CAMTA1: variants seen among roughly 807,000 people sequenced by gnomAD.
CAMTA1 encodes calmodulin-binding transcription activator 1.
In CAMTA1, 27 loss-of-function variants were observed where a neutral mutation model predicts 170.9. The ratio of observed to expected loss-of-function variants is 0.16; its 90% CI spans 0.12 to 0.22. The LOEUF (loss-of-function observed/expected upper bound fraction) is 0.22, where lower values mean the gene tolerates loss of function less well. Among genes scored for constraint, CAMTA1 ranks in the 10% least tolerant of loss-of-function variants. The probability of loss-of-function intolerance (pLI) is 1.00; values close to 1 mark genes in which losing one functional copy is unlikely to be tolerated. For synonymous variants in CAMTA1, 833 were observed against 891.5 expected (o/e 0.93, Z 1.17); for missense variants, 1,619 against 2,217.2 (o/e 0.73, Z 5.42).
chr1:7,244,790 C>G (rs938973241), intron 4 of CAMTA1, among the ~76,000 whole-genome samples: 91 of 151,868 alleles, frequency 6.0e-4, no homozygotes, highest in Non-Finnish European at 1.6e-4. Flanking sequence ...ATACCTAATG[C>G]TAAACGACGA....
chr1:7,704,790 G>A (rs2096489312), intron 11 of CAMTA1, among the ~76,000 whole-genome samples: 1 of 147,542 alleles, frequency 6.8e-6, no homozygotes, highest in African/African-American at 2.5e-5. Context: ...AGCGGGCGCG[G>A]GGCCGGGCTG....
intron 4 of CAMTA1, among the ~76,000 whole-genome samples, chr1:7,162,850 G>T (rs548908118): frequency 6.6e-6 from 1 of 152,294 alleles, no homozygotes; most frequent in Admixed American, 6.5e-5. Context: ...GAGCCATGTG[G>T]TGACTCCGTG....
rs1236489291 is a variant in CAMTA1, at chr1:7,463,659, G to C, written c.439-4171G>C. 6.6e-6 allele frequency among the ~76,000 whole-genome samples: 1 copy of C among 152,176 alleles called. No homozygotes were observed. The highest frequency in any genetic ancestry group is 1.5e-5 in the Non-Finnish European group (1 of 68,024). On this transcript the variant is annotated intron_variant, in intron 5 of 22. Transcript: ENST00000303635. The surrounding 1 kb of genome is among the most constrained non-coding windows in gnomAD (Gnocchi z 4.7). Reference sequence around the variant, plus strand: ...GAGAGAGAGACAGATACAGAGATAGGAAGAGAGAAACAGATGGTGGGAGTA... The same window carrying C: ...GAGAGAGAGACAGATACAGAGATAGCAAGAGAGAAACAGATGGTGGGAGTA...
intron 3 of CAMTA1, among the ~76,000 whole-genome samples, chr1:6,997,480 T>C (rs1220756028): frequency 6.6e-6 from 1 of 152,138 alleles, no homozygotes; most frequent in African/African-American, 2.4e-5. Flanking sequence ...TTACCTGTCC[T>C]TTGGCTCTTC....
intron 1 of CAMTA1, chr1:6,806,957 A>G (rs1644583346): frequency 4.0e-6 from 2 of 505,698 alleles, no homozygotes; most frequent in Non-Finnish European, 7.3e-6. Flanking sequence ...TTACTCAACA[A>G]ATAACAAAGT....
At chr1:7,651,860 C>G (rs1038261201) in intron 7 of CAMTA1, among the ~76,000 whole-genome samples, 2 of 152,268 alleles carry the variant, frequency 1.3e-5, no homozygotes, top group African/African-American at 2.4e-5. Context: ...GTGCTGCCAC[C>G]CGGTCTCCCA....
intron 11 of CAMTA1, chr1:7,694,963 C>A (rs2096359208): frequency 6.6e-6 from 1 of 152,150 alleles, no homozygotes; most frequent in South Asian, 2.1e-4. Flanking sequence ...CAGCATTCAG[C>A]CATTTTCCAA....
chr1:7,480,141 G>A (rs553403658), intron 6 of CAMTA1, among the ~76,000 whole-genome samples: 11 of 150,268 alleles, frequency 7.3e-5, no homozygotes, highest in East Asian at 2.0e-4. Flanking sequence ...GTGTGTGAGC[G>A]CCTGTGTCCG....
At chr1:7,526,770 C>T (rs1234211728) in intron 6 of CAMTA1, among the ~76,000 whole-genome samples, 4 of 152,220 alleles carry the variant, frequency 2.6e-5, no homozygotes, top group Non-Finnish European at 5.9e-5. Flanking sequence ...CAGGCCAGGG[C>T]CTGCCCAGAT....
At chr1:7,066,689 C>G (rs1572811418) in intron 3 of CAMTA1, among the ~76,000 whole-genome samples, 2 of 152,326 alleles carry the variant, frequency 1.3e-5, no homozygotes, top group East Asian at 3.9e-4. Context: ...TAAACAGTTG[C>G]ATTCTTTCAG....
At chr1:7,423,256 A>G (rs1450966081) in intron 5 of CAMTA1, among the ~76,000 whole-genome samples, 2 of 152,284 alleles carry the variant, frequency 1.3e-5, no homozygotes, top group African/African-American at 2.4e-5. Flanking sequence ...GGATCACCAG[A>G]GGTCAGGAGC....
chr1:7,109,009 C>G (rs1212946426), intron 4 of CAMTA1, among the ~76,000 whole-genome samples: 1 of 152,238 alleles, frequency 6.6e-6, no homozygotes, highest in Non-Finnish European at 1.5e-5. Context: ...GAGGGCTGAA[C>G]TCCTTTCTAG....
At chr1:7,676,943 C>T (rs1438676795) in intron 10 of CAMTA1, among the ~76,000 whole-genome samples, 1 of 152,178 alleles carries the variant, frequency 6.6e-6, no homozygotes. Context: ...GTTGGGGCCA[C>T]AGCAGTTAAC....
intron 4 of CAMTA1, among the ~76,000 whole-genome samples, chr1:7,245,363 G>A (rs932086436): frequency 2.0e-5 from 3 of 151,080 alleles, no homozygotes; most frequent in Admixed American, 2.0e-4. Flanking sequence ...TTTACTCTGT[G>A]TAATCTACGC....
At chr1:7,027,047 G>A (rs1246629282) in intron 3 of CAMTA1, among the ~76,000 whole-genome samples, 1 of 152,092 alleles carries the variant, frequency 6.6e-6, no homozygotes, top group African/African-American at 2.4e-5. Flanking sequence ...TCAGGCCTGG[G>A]CTGGACTCCT....
chr1:7,448,650 G>C (rs889469309), intron 5 of CAMTA1, among the ~76,000 whole-genome samples: 1 of 152,236 alleles, frequency 6.6e-6, no homozygotes, highest in Non-Finnish European at 1.5e-5. Flanking sequence ...TATCTGGTGA[G>C]GGCCTTCTTC....
At position 7,530,175 on chromosome 1, in the gene CAMTA1, G is replaced by A. The variant is rs143488384; in HGVS notation, c.510+62274G>A. 4.7e-4 allele frequency among the ~76,000 whole-genome samples: 72 copies of A among 152,330 alleles called. 2 individuals are homozygous for A. The South Asian group carries it at 5.8e-3, about 12-fold the overall frequency. ...GCTGCCACCCACACAGAAAGATGCA[G>A]ATGTGTGTGGGCACAGCCCGTGCAC... On this transcript the variant is annotated intron_variant, in intron 6 of 22. Coordinates refer to ENST00000303635, the MANE Select transcript of CAMTA1 (RefSeq NM_015215.4).
At chr1:6,855,327 T>C (rs899861081) in intron 3 of CAMTA1, among the ~76,000 whole-genome samples, 1 of 151,718 alleles carries the variant, frequency 6.6e-6, no homozygotes, top group Non-Finnish European at 1.5e-5. Flanking sequence ...AGGTTTAATT[T>C]GTTCATGGTT....
intron 6 of CAMTA1, among the ~76,000 whole-genome samples, chr1:7,477,160 C>T (rs1430051453): frequency 6.6e-6 from 1 of 152,150 alleles, no homozygotes; most frequent in Admixed American, 6.5e-5. Context: ...CTCACTCAGT[C>T]CAGAAGCTGC....
Sources: allele counts gnomAD v4.1 joint callset (sites outside exome capture counted in the v4.1 genomes callset), GRCh38; gene constraint gnomAD v4.1.1; non-coding constraint Gnocchi (gnomAD v3.1); transcripts MANE v1.5; gene names NCBI Gene and HGNC (gene_info 2026-07-23, HGNC 2026-07-21).